Variants in CADPS2 observed in about 807,000 individuals in gnomAD.
CADPS2 encodes the protein calcium dependent secretion activator 2.
CADPS2 carries 93 observed loss-of-function variants against 172.5 expected under a neutral mutation model. That is an observed-to-expected ratio of 0.54 (90% confidence interval 0.46 to 0.64). The LOEUF (loss-of-function observed/expected upper bound fraction) is 0.64, where lower values mean the gene tolerates loss of function less well. Ranked by LOEUF, CADPS2 falls within the 30% of genes least tolerant of loss-of-function variation. The pLI is 0.00. For synonymous variants in CADPS2, 546 were observed against 555.2 expected, an observed-to-expected ratio of 0.98 and a Z score of 0.23; for missense variants, 1,420 against 1,565.9, an observed-to-expected ratio of 0.91 and a Z score of 1.57.
intron 11 of CADPS2, among the ~76,000 whole-genome samples, chr7:122,484,593 C>G (rs1162149912): frequency 6.6e-6 from 1 of 151,302 alleles, no homozygotes; most frequent in East Asian, 1.9e-4. Flanking sequence ...AGGCAAAGAT[C>G]CTTTAGTTAT....
At chr7:122,795,693 G>T (rs1796221776) in intron 1 of CADPS2, among the ~76,000 whole-genome samples, 1 of 152,068 alleles carries the variant, frequency 6.6e-6, no homozygotes, top group Non-Finnish European at 1.5e-5. Flanking sequence ...CAATAAACTA[G>T]ATATTGAAGG....
chr7:122,679,793 C>T (rs1170613908), intron 2 of CADPS2, among the ~76,000 whole-genome samples: 1 of 152,170 alleles, frequency 6.6e-6, no homozygotes, highest in Non-Finnish European at 1.5e-5. Flanking sequence ...GCAAAGGACC[C>T]ACATTGAAAT....
chr7:122,831,326 TG>T (rs1806484139), intron 1 of CADPS2, among the ~76,000 whole-genome samples: 1 of 152,198 alleles, frequency 6.6e-6, no homozygotes, highest in Admixed American at 6.5e-5. Context: ...GTCATTTGGG[TG>T]TTTTCGCTCA....
chr7:122,606,272 A>G (rs1218861015), intron 6 of CADPS2, among the ~76,000 whole-genome samples: 1 of 152,126 alleles, frequency 6.6e-6, no homozygotes, highest in Non-Finnish European at 1.5e-5. Flanking sequence ...CGGGAGAAGG[A>G]TGACTGTGAA....
chr7:122,725,622 G>T (rs2091005097), intron 2 of CADPS2, among the ~76,000 whole-genome samples: 1 of 139,192 alleles, frequency 7.2e-6, no homozygotes, highest in Non-Finnish European at 1.5e-5. Context: ...AGTCAGAATG[G>T]CTTATTACTA....
intron 17 of CADPS2, among the ~76,000 whole-genome samples, chr7:122,421,350 C>T (rs1312582206): frequency 1.3e-5 from 2 of 152,110 alleles, no homozygotes; most frequent in Admixed American, 1.3e-4. Flanking sequence ...TGTATCTGTA[C>T]TTGCAGCTAA....
In CADPS2 at chr7:122,746,192, C is replaced by A. The variant is rs1365725958; in HGVS notation, c.340-9124G>T. Among the ~76,000 whole-genome samples the A allele has an allele frequency of 3.3e-5, 5 of 152,130 alleles. No individual in the cohort carries two copies. The South Asian group carries it at 8.3e-4, about 25-fold the overall frequency. On this transcript the variant is annotated intron_variant, in intron 1 of 29. Coordinates refer to ENST00000449022, the MANE Select transcript of CADPS2 (RefSeq NM_017954.11). ...CAATTGCAGAAGCCACAAACAAAAA[C>A]AAATATTAAGATGGATGCCCGTGAA...
In CADPS2 at chr7:122,709,337, C is replaced by A. The variant is rs1010857619; in HGVS notation, c.453+27618G>T. On this transcript the variant is annotated intron_variant, in intron 2 of 29. Coordinates refer to ENST00000449022, the MANE Select transcript of CADPS2 (RefSeq NM_017954.11). ...ATCATCACTGGCCATCAGAGAAATG[C>A]AAATCAAAACCACAATGAGATACCA... Among the ~76,000 whole-genome samples the A allele has an allele frequency of 5.3e-5, 8 of 152,122 alleles. No homozygotes were observed. The East Asian group carries it at 1.5e-3, about 29-fold the overall frequency.
intron 24 of CADPS2, chr7:122,386,266 G>T: frequency 2.2e-6 from 3 of 1,378,994 alleles, no homozygotes; most frequent in South Asian, 1.8e-5. Context: ...CAAATGAAAT[G>T]TGCTTTTAGA....
intron 2 of CADPS2, among the ~76,000 whole-genome samples, chr7:122,708,413 TTCTA>T (rs1382089002): frequency 6.7e-6 from 1 of 149,466 alleles, no homozygotes; most frequent in African/African-American, 2.5e-5. Flanking sequence ...GTTCAACTGA[TTCTA>T]TATATGTACA....
chr7:122,675,367 G>C (rs905729272), intron 2 of CADPS2, among the ~76,000 whole-genome samples: 3 of 152,172 alleles, frequency 2.0e-5, no homozygotes, highest in Non-Finnish European at 4.4e-5. Flanking sequence ...TACCGGAAAA[G>C]GCCAGTGTGC....
At chr7:122,811,888 C>T (rs1303537045) in intron 1 of CADPS2, among the ~76,000 whole-genome samples, 3 of 152,116 alleles carry the variant, frequency 2.0e-5, no homozygotes. Flanking sequence ...AACAGAACTA[C>T]TGATTAGACA....
rs146594579 is a variant in CADPS2 at position 122,322,469 on chromosome 7, A to G, written c.3718-2131T>C. On this transcript the variant is annotated intron_variant, in intron 29 of 29. Transcript: ENST00000449022. ...TTCATAAAATGTTATTGACACTTGG[A>G]TGTTCCCTGTGGCTTCCACAAAGGT... 4.2e-3 allele frequency among the ~76,000 whole-genome samples: 634 copies of G among 152,324 alleles called. 6 individuals carry two copies. Among genetic ancestry groups the G allele is most frequent in the African/African-American group, 0.014 (598 of 41,578 alleles).
At position 122,559,826 on chromosome 7, in the gene CADPS2, C is replaced by A. The variant is rs116773323; in HGVS notation, c.1336-5137G>T. Among the ~76,000 whole-genome samples the A allele has an allele frequency of 7.6e-3, 1,149 of 150,932 alleles. 15 individuals carry two copies. Among genetic ancestry groups the A allele is most frequent in the African/African-American group, 0.027 (1,110 of 41,102 alleles). On this transcript the variant is annotated intron_variant, in intron 7 of 29. Coordinates refer to ENST00000449022, the MANE Select transcript of CADPS2 (RefSeq NM_017954.11). Reference sequence around the variant, plus strand: ...AAAAGAGAGAAGATAACCCGAGAACCCTCTGGGCACCACCTTTCTAGAGTT... The same window carrying A: ...AAAAGAGAGAAGATAACCCGAGAACACTCTGGGCACCACCTTTCTAGAGTT...
intron 1 of CADPS2, among the ~76,000 whole-genome samples, chr7:122,877,627 A>G (rs1172982630): frequency 6.6e-6 from 1 of 152,198 alleles, no homozygotes; most frequent in Non-Finnish European, 1.5e-5. Flanking sequence ...TATAAAATAT[A>G]AAAATTAACT....
rs2037488768 is a variant in CADPS2 at position 122,345,695 on chromosome 7, A to G, written c.3505-14T>C. 6.7e-7 allele frequency: 1 copy of G among 1,499,964 alleles called. No individual in the cohort carries two copies. The highest frequency in any genetic ancestry group is 9.2e-7 in the Non-Finnish European group (1 of 1,081,832). 92.9% of individuals were successfully genotyped at this position (1,499,964 alleles called of 1,614,324 possible). A position where few individuals can be genotyped will look rare whatever the true frequency, so the allele number is the denominator to read the frequency against. ...CATTCCTGGTTTCTGTTGTGAAGGA[A>G]AAGCAGGGGGAACAAAATAATATCA... On this transcript the variant is annotated splice_polypyrimidine_tract_variant and intron_variant, in intron 27 of 29. Transcript: ENST00000449022.
intron 1 of CADPS2, among the ~76,000 whole-genome samples, chr7:122,814,778 T>C (rs1208696550): frequency 2.0e-5 from 3 of 152,110 alleles, no homozygotes; most frequent in African/African-American, 7.2e-5. Flanking sequence ...TTTCATTACA[T>C]GGAATTGAAA....
chr7:122,714,255 G>A (rs1268436320), intron 2 of CADPS2, among the ~76,000 whole-genome samples: 1 of 152,060 alleles, frequency 6.6e-6, no homozygotes, highest in East Asian at 1.9e-4. Flanking sequence ...TAAAAATCGA[G>A]AAGCAAAACG....
intron 2 of CADPS2, among the ~76,000 whole-genome samples, chr7:122,721,756 C>G (rs1014234112): frequency 2.0e-5 from 3 of 152,052 alleles, no homozygotes; most frequent in African/African-American, 4.8e-5. Context: ...AATTTTACAC[C>G]AATATCCCTG....
Sources: gnomAD v4.1 joint callset for allele counts (sites outside exome capture counted in the v4.1 genomes callset) on GRCh38, gnomAD v4.1.1 for gene constraint, MANE v1.5 for transcripts, NCBI Gene and HGNC (gene_info 2026-07-23, HGNC 2026-07-21) for gene names.